The following MAP2 variants were observed in gnomAD, a reference collection of about 807,000 sequenced individuals.
MAP2 encodes microtubule-associated protein 2.
In MAP2, 14 loss-of-function variants were observed where a neutral mutation model predicts 137.6. The observed-to-expected ratio is 0.10, with a 90% confidence interval of 0.07 to 0.16. The LOEUF (loss-of-function observed/expected upper bound fraction) is 0.16. MAP2 is among the 10% of genes least tolerant of loss of function. MAP2 has a pLI of 1.00. For missense variants in MAP2, 2,088 were observed against 2,191.5 expected, an observed-to-expected ratio of 0.95 and a Z score of 0.94; for synonymous variants, 786 against 782.3, an observed-to-expected ratio of 1.00 and a Z score of -0.08.
chr2:209,434,366 A>T (rs1326724762), intron 1 of MAP2, among the ~76,000 whole-genome samples: 1 of 152,096 alleles, frequency 6.6e-6, no homozygotes, highest in East Asian at 1.9e-4. Flanking sequence ...CCAAAATATC[A>T]CATAATTTAG....
At chr2:209,503,995 C>G (rs1389458867) in intron 1 of MAP2, among the ~76,000 whole-genome samples, 2 of 151,788 alleles carry the variant, frequency 1.3e-5, no homozygotes, top group Non-Finnish European at 2.9e-5. Flanking sequence ...ACTCAGGAGG[C>G]TGAGGCAGGA....
At chr2:209,722,551 G>A (rs980235968) in intron 13 of MAP2, among the ~76,000 whole-genome samples, 4 of 152,080 alleles carry the variant, frequency 2.6e-5, no homozygotes, top group Non-Finnish European at 4.4e-5. Flanking sequence ...AGGTGGGGAA[G>A]AGAAGAGAGT....
At chr2:209,550,674 CAAGATTAGTT>C (rs1359640431) in intron 2 of MAP2, among the ~76,000 whole-genome samples, 1 of 151,938 alleles carries the variant, frequency 6.6e-6, no homozygotes, top group East Asian at 1.9e-4. Flanking sequence ...AATAAATAAT[CAAGATTAGTT>C]CTTGTAGTTA....
chr2:209,608,206 A>C, intron 3 of MAP2, among the ~76,000 whole-genome samples: 1 of 152,206 alleles, frequency 6.6e-6, no homozygotes, highest in East Asian at 1.9e-4. Flanking sequence ...AAGATTAAAT[A>C]CTGTCCAAAA....
chr2:209,624,895 G>A (rs2091993311), intron 3 of MAP2, among the ~76,000 whole-genome samples, 158 bp from the exon 4 acceptor site: 1 of 152,184 alleles, frequency 6.6e-6, no homozygotes, highest in African/African-American at 2.4e-5. Context: ...TAAATGCTCA[G>A]TGTATGACCA....
chr2:209,528,752 A>ATATG (rs1185465838), intron 2 of MAP2, among the ~76,000 whole-genome samples: 3 of 145,986 alleles, frequency 2.1e-5, no homozygotes, highest in South Asian at 2.1e-4. Flanking sequence ...ATATATGTAC[A>ATATG]TATGTATGTA....
chr2:209,655,754 AC>A (rs2095100718), intron 5 of MAP2, among the ~76,000 whole-genome samples: 1 of 152,214 alleles, frequency 6.6e-6, no homozygotes, highest in African/African-American at 2.4e-5. Flanking sequence ...ACTCTTTTAT[AC>A]AATCTACCAG....
intron 4 of MAP2, among the ~76,000 whole-genome samples, chr2:209,640,030 A>C (rs1360287447): frequency 6.6e-6 from 1 of 152,118 alleles, no homozygotes. Context: ...AAAAACAAAC[A>C]AAACAAAAAC....
intron 5 of MAP2, among the ~76,000 whole-genome samples, chr2:209,668,657 A>C (rs2047397259): frequency 6.6e-6 from 1 of 152,004 alleles, no homozygotes; most frequent in South Asian, 2.1e-4. Context: ...TCTTGCTGTA[A>C]AAAGAAGATT....
At chr2:209,667,340 C>G (rs2046792823) in intron 5 of MAP2, among the ~76,000 whole-genome samples, 1 of 151,718 alleles carries the variant, frequency 6.6e-6, no homozygotes, top group Admixed American at 6.6e-5. Flanking sequence ...TTAAAGAAAA[C>G]AAACCCAAAC....
intron 7 of MAP2, chr2:209,684,627 A>C (rs1465181775): frequency 6.6e-6 from 1 of 152,238 alleles, no homozygotes; most frequent in African/African-American, 2.4e-5. Flanking sequence ...CAATGAAAGC[A>C]AACTAGGGAA....
intron 3 of MAP2, 53 bp from the exon 4 acceptor site, chr2:209,625,000 A>G (rs2153531188): frequency 6.6e-6 from 1 of 152,288 alleles, no homozygotes; most frequent in African/African-American, 2.4e-5. Context: ...ACTTGATGTG[A>G]TTAATGTATA....
In MAP2 at chr2:209,692,909, G is replaced by A. The variant is rs756595082; in HGVS notation, c.739G>A (p.Val247Ile). Residue 247 changes from valine to isoleucine, a missense_variant, in exon 8 of 16, where the codon GTA becomes ATA. By Grantham distance (29) the Val-to-Ile change is conservative (BLOSUM62 3). Coordinates refer to ENST00000682079, the MANE Select transcript of MAP2 (RefSeq NM_001375505.1). ...MKQKTEPSLV[V>I]PGIDLPKEPP... ...ACAGAAGACAGAACCAAGCCTTGTA[G>A]TACCTGGCATTGACCTCCCTAAAGA... is the stretch of plus-strand genomic sequence containing the variant. The A allele has an allele frequency of 1.3e-5, 21 of 1,614,120 alleles. No individual in the cohort carries two copies. The highest frequency in any genetic ancestry group is 1.7e-5 in the Non-Finnish European group (20 of 1,179,986).
chr2:209,425,686 TATGCAAA>T (rs1692368396), intron 1 of MAP2, among the ~76,000 whole-genome samples: 1 of 152,214 alleles, frequency 6.6e-6, no homozygotes, highest in East Asian at 1.9e-4. Flanking sequence ...TGAGCCACAT[TATGCAAA>T]ATGTCCCATG....
chr2:209,506,891 A>C (rs2061140651), intron 1 of MAP2, among the ~76,000 whole-genome samples: 1 of 152,178 alleles, frequency 6.6e-6, no homozygotes, highest in East Asian at 1.9e-4. Context: ...ACAAACATAA[A>C]AGAACAGAAA....
intron 2 of MAP2, among the ~76,000 whole-genome samples, chr2:209,523,763 C>T (rs754437086): frequency 2.0e-5 from 3 of 152,018 alleles, no homozygotes; most frequent in Non-Finnish European, 2.9e-5. Context: ...ATTGAAGTGC[C>T]CTAGATTTCC....
intron 1 of MAP2, among the ~76,000 whole-genome samples, chr2:209,498,824 GC>G (rs779604178): frequency 2.2e-4 from 33 of 152,242 alleles, no homozygotes; most frequent in South Asian, 8.3e-4. Flanking sequence ...CCTGGACCTG[GC>G]CCACAAAAAC....
chr2:209,680,615 C>G lies in MAP2; in HGVS notation c.377-135C>G, dbSNP rs1583258542. On this transcript the variant is annotated intron_variant, in intron 6 of 15. Transcript: ENST00000682079. ...TCAGGTAATGGGCCTATAAATAAAC[C>G]AAATGCGGCTTACTATTGAATCTTT... 9 of 726,636 alleles carry G rather than the reference C, an allele frequency of 1.2e-5. No homozygotes were observed. The East Asian group carries it at 2.3e-4, about 18-fold the overall frequency. The allele number at this position is 726,636 out of a possible 1,614,324, so 45.0% of individuals were successfully genotyped here. A position where few individuals can be genotyped will look rare whatever the true frequency, so the allele number is the denominator to read the frequency against.
At chr2:209,543,307 C>T (rs745911691) in intron 2 of MAP2, among the ~76,000 whole-genome samples, 5 of 152,028 alleles carry the variant, frequency 3.3e-5, no homozygotes, top group African/African-American at 7.3e-5. Context: ...ACAACAGTAA[C>T]GTCAAAGATC....
Sources: allele counts gnomAD v4.1 joint callset (sites outside exome capture counted in the v4.1 genomes callset), GRCh38; gene constraint gnomAD v4.1.1; transcripts MANE v1.5; gene names NCBI Gene and HGNC (gene_info 2026-07-23, HGNC 2026-07-21).